GASK1B: variants seen among roughly 807,000 people sequenced by gnomAD.
GASK1B encodes Golgi-associated kinase 1B.
GASK1B carries 34 observed loss-of-function variants against 42.8 expected under a neutral mutation model. The ratio of observed to expected loss-of-function variants is 0.79; its 90% CI spans 0.60 to 1.06. The LOEUF (loss-of-function observed/expected upper bound fraction) is 1.06. Among genes scored for constraint, GASK1B ranks in the 50% least tolerant of loss-of-function variants. GASK1B has a pLI of 0.00. For missense variants in GASK1B, 686 were observed against 661.0 expected (o/e 1.04, Z -0.42); for synonymous variants, 262 against 259.1 (o/e 1.01, Z -0.11).
chr4:158,149,591 TCCTAA>T (rs950428580), intron 3 of GASK1B, among the ~76,000 whole-genome samples: 7 of 30,324 alleles, frequency 2.3e-4, no homozygotes, highest in African/African-American at 3.3e-4. Context: ...CTTTCCATTG[TCCTAA>T]TCATTCTCAG....
In GASK1B at chr4:158,155,758, A is replaced by C. The variant is rs752324144; in HGVS notation, c.978T>G (p.Ser326=). Residue 326 remains serine, a synonymous_variant, in exon 3 of 5, where the codon TCT becomes TCG. Transcript: ENST00000585682. ...SLSSASNDTH[S]SVKLTWGTYQ... Reference sequence around the variant, plus strand: ...AAGTTCCCCAGGTGAGCTTAACAGAAGAATGGGTGTCATTACTTGCTGAAG... The same window carrying C: ...AAGTTCCCCAGGTGAGCTTAACAGACGAATGGGTGTCATTACTTGCTGAAG... The C allele has an allele frequency of 4.6e-5, 74 of 1,613,932 alleles. No homozygotes were observed. Among genetic ancestry groups the C allele is most frequent in the Non-Finnish European group, 5.7e-5 (67 of 1,179,840 alleles).
At chr4:158,169,032 C>A (rs1288228624) in intron 2 of GASK1B, 1 of 152,080 alleles carries the variant, frequency 6.6e-6, no homozygotes, top group African/African-American at 2.4e-5. Flanking sequence ...TAGTCAAAAC[C>A]CAGCTTAGCC....
intron 1 of GASK1B, chr4:158,172,551 C>G (rs1005517216): frequency 1.3e-5 from 2 of 152,158 alleles, no homozygotes; most frequent in African/African-American, 4.8e-5. Flanking sequence ...TTAAGAGATA[C>G]AAAGCTTTTA....
At chr4:158,131,661 T>C (rs1730688387) in intron 3 of GASK1B, among the ~76,000 whole-genome samples, 1 of 152,156 alleles carries the variant, frequency 6.6e-6, no homozygotes, top group Admixed American at 6.5e-5. Flanking sequence ...GGTAACCAGA[T>C]TAATTAGAAA....
At chr4:158,160,736 T>C (rs1731942851) in intron 2 of GASK1B, among the ~76,000 whole-genome samples, 2 of 152,140 alleles carry the variant, frequency 1.3e-5, no homozygotes, top group Admixed American at 1.3e-4. Context: ...AAGAAAAATG[T>C]GTTTTGTTAC....
intron 3 of GASK1B, among the ~76,000 whole-genome samples, chr4:158,155,340 AT>A (rs1397650559): frequency 6.6e-6 from 1 of 152,130 alleles, no homozygotes; most frequent in Non-Finnish European, 1.5e-5. Flanking sequence ...CCCTTTCCAG[AT>A]CTTTTTCCTG....
intron 2 of GASK1B, among the ~76,000 whole-genome samples, chr4:158,160,904 A>G (rs1426699155): frequency 6.6e-6 from 1 of 152,154 alleles, no homozygotes. Context: ...GGAATCTAAA[A>G]AAGTTGAGCT....
At chr4:158,151,682 A>T (rs1043208709) in intron 3 of GASK1B, among the ~76,000 whole-genome samples, 55 of 152,304 alleles carry the variant, frequency 3.6e-4, no homozygotes, top group African/African-American at 1.2e-3. Context: ...TACACGCAAA[A>T]CTACAAAACC....
rs528049795 is a variant in GASK1B at position 158,151,077 on chromosome 4, T to A, written c.1125+4534A>T. On this transcript the variant is annotated intron_variant, in intron 3 of 4. Coordinates refer to ENST00000585682, the MANE Select transcript of GASK1B (RefSeq NM_001128424.2). ...GCCATCCTAAATTTCCACAAGATAC[T>A]AGTTAACAATGCAACAACGGAAAAG... 4.6e-5 allele frequency among the ~76,000 whole-genome samples: 7 copies of A among 152,324 alleles called. No individual in the cohort carries two copies. The East Asian group carries it at 1.4e-3, about 29-fold the overall frequency.
chr4:158,137,039 A>T (rs1730919700), intron 3 of GASK1B, among the ~76,000 whole-genome samples: 1 of 152,206 alleles, frequency 6.6e-6, no homozygotes, highest in Non-Finnish European at 1.5e-5. Context: ...TTATCAAGAT[A>T]ACGGATTTTT....
chr4:158,131,134 C>T (rs1217950637), intron 3 of GASK1B, 122 bp from the exon 4 acceptor site: 1 of 758,278 alleles, frequency 1.3e-6, no homozygotes, highest in Non-Finnish European at 2.1e-6. Flanking sequence ...GAGGGCCAGG[C>T]TCATTTAATT....
chr4:158,149,614 A>G (rs1188088583), intron 3 of GASK1B, among the ~76,000 whole-genome samples: 3 of 152,120 alleles, frequency 2.0e-5, no homozygotes, highest in African/African-American at 7.2e-5. Context: ...CAGGTACTTC[A>G]GTATCTCTGC....
At chr4:158,168,652 T>G (rs1364177687) in intron 2 of GASK1B, 2 of 152,150 alleles carry the variant, frequency 1.3e-5, no homozygotes, top group Admixed American at 1.3e-4. Flanking sequence ...GTCGTATGAT[T>G]GGTAAGTTCA....
chr4:158,135,872 A>C, intron 3 of GASK1B, among the ~76,000 whole-genome samples: 1 of 152,190 alleles, frequency 6.6e-6, no homozygotes, highest in East Asian at 1.9e-4. Context: ...AAAACCAGGC[A>C]AAGGCATGGA....
At chr4:158,137,707 C>T (rs1419455908) in intron 3 of GASK1B, among the ~76,000 whole-genome samples, 1 of 152,078 alleles carries the variant, frequency 6.6e-6, no homozygotes, top group Non-Finnish European at 1.5e-5. Context: ...AAAGCAAAAG[C>T]CCACAGTATT....
chr4:158,129,160 C>T (rs6852646), intron 4 of GASK1B, among the ~76,000 whole-genome samples: 135,628 of 152,206 alleles, frequency 0.89, 61,362 homozygotes, highest in East Asian at 0.98. Context: ...TAACTTCAAA[C>T]CCATTACTCC....
In GASK1B at chr4:158,141,199, G is replaced by A. The variant is rs377764659; in HGVS notation, c.1126-10187C>T. 3.9e-5 allele frequency among the ~76,000 whole-genome samples: 6 copies of A among 152,062 alleles called. No homozygotes were observed. The East Asian group carries it at 5.9e-4, about 15-fold the overall frequency. On this transcript the variant is annotated intron_variant, in intron 3 of 4. Transcript: ENST00000585682. Reference sequence around the variant, plus strand: ...TTAAGTTCTAGAGGCTTTCAAGTTGGAAGCAGACATGTGAGGAATCTATAT... The same window carrying A: ...TTAAGTTCTAGAGGCTTTCAAGTTGAAAGCAGACATGTGAGGAATCTATAT...
intron 3 of GASK1B, among the ~76,000 whole-genome samples, chr4:158,134,768 T>C (rs1047929933): frequency 3.3e-5 from 5 of 152,150 alleles, no homozygotes; most frequent in African/African-American, 1.2e-4. Flanking sequence ...GTTTTGCATG[T>C]AGGAAAAAAG....
intron 2 of GASK1B, chr4:158,168,678 A>G (rs1434777468): frequency 6.6e-6 from 1 of 152,034 alleles, no homozygotes; most frequent in African/African-American, 2.4e-5. Context: ...AGTCAGTCCA[A>G]CTCCACGGCC....
Sources: allele counts gnomAD v4.1 joint callset (sites outside exome capture counted in the v4.1 genomes callset), GRCh38; gene constraint gnomAD v4.1.1; transcripts MANE v1.5; gene names NCBI Gene and HGNC (gene_info 2026-07-23, HGNC 2026-07-21).